ZNF469: variants seen among roughly 807,000 people sequenced by gnomAD.
The protein encoded by ZNF469 is zinc finger protein 469.
A neutral mutation model predicts 1.0 loss-of-function variants in ZNF469; 1 was observed. The observed-to-expected ratio is 1.00, with a 90% confidence interval of 0.35 to 4.73. The LOEUF is 4.73. Among genes scored for constraint, ZNF469 ranks in the 30% most tolerant of loss-of-function variants. The probability of loss-of-function intolerance (pLI) is 0.16; values close to 1 mark genes in which losing one functional copy is unlikely to be tolerated. For missense variants in ZNF469, 6,100 were observed against 5,356.3 expected, an observed-to-expected ratio of 1.14 and a Z score of -4.33; for synonymous variants, 2,703 against 2,363.4, an observed-to-expected ratio of 1.14 and a Z score of -4.17.
the ZNF469 span, among the ~76,000 whole-genome samples, chr16:88,267,860 G>A: frequency 1.3e-5 from 2 of 152,160 alleles, no homozygotes; most frequent in Non-Finnish European, 2.9e-5. Context: ...GATTCCTTGG[G>A]GTGGCACTGC....
chr16:88,106,173 C>T, the ZNF469 span, among the ~76,000 whole-genome samples: 4 of 152,176 alleles, frequency 2.6e-5, no homozygotes, highest in African/African-American at 4.8e-5. Flanking sequence ...GTGTGGCGGG[C>T]GCCAGCAGGC....
chr16:88,116,973 AC>A, the ZNF469 span, among the ~76,000 whole-genome samples: 7 of 151,740 alleles, frequency 4.6e-5, no homozygotes, highest in Non-Finnish European at 1.0e-4. Flanking sequence ...ACACACACAC[AC>A]ACACACACAC....
chr16:88,272,024 A>C, the ZNF469 span, among the ~76,000 whole-genome samples: 1 of 152,066 alleles, frequency 6.6e-6, no homozygotes. Flanking sequence ...GGATGGATTT[A>C]TGAGTGGGTG....
chr16:88,318,175 C>T, the ZNF469 span, among the ~76,000 whole-genome samples: 1 of 152,236 alleles, frequency 6.6e-6, no homozygotes, highest in Non-Finnish European at 1.5e-5. Context: ...CCCAGATCTT[C>T]GGGCCCAGCC....
the ZNF469 span, among the ~76,000 whole-genome samples, chr16:88,317,827 A>C: frequency 6.6e-6 from 1 of 152,196 alleles, no homozygotes; most frequent in Non-Finnish European, 1.5e-5. Context: ...GTTCTGTTTA[A>C]GGATTCACCA....
At chr16:88,182,891 T>C in the ZNF469 span, among the ~76,000 whole-genome samples, 1 of 152,134 alleles carries the variant, frequency 6.6e-6, no homozygotes, top group East Asian at 1.9e-4. Context: ...ACTGACAAAC[T>C]GAACTTTATC....
chr16:88,134,608 C>T, the ZNF469 span, among the ~76,000 whole-genome samples: 9 of 152,226 alleles, frequency 5.9e-5, no homozygotes, highest in Non-Finnish European at 1.0e-4. Context: ...AAAAGCCAGG[C>T]GGATGTCCAA....
chr16:88,180,125 TA>T, the ZNF469 span, among the ~76,000 whole-genome samples: 105,849 of 151,956 alleles, frequency 0.7, 37,910 homozygotes, highest in Non-Finnish European at 0.8. Context: ...GCTTTCACTT[TA>T]AAAAAAAGTA....
At chr16:88,198,525 G>A in the ZNF469 span, among the ~76,000 whole-genome samples, 12 of 152,354 alleles carry the variant, frequency 7.9e-5, no homozygotes, top group East Asian at 1.5e-3. Context: ...TGCAGCTAAG[G>A]AGCTGAATTT....
chr16:88,386,938 G>C (rs995612618), intron 1 of ZNF469, among the ~76,000 whole-genome samples: 2 of 152,210 alleles, frequency 1.3e-5, no homozygotes, highest in African/African-American at 4.8e-5. Flanking sequence ...GGTGGCAGAT[G>C]CTGTCCTCAG....
the ZNF469 span, among the ~76,000 whole-genome samples, chr16:88,342,974 T>C: frequency 6.6e-6 from 1 of 152,212 alleles, no homozygotes; most frequent in Non-Finnish European, 1.5e-5. Flanking sequence ...TCATGGCCAC[T>C]GGATGAGCTT....
intron 1 of ZNF469, among the ~76,000 whole-genome samples, chr16:88,396,955 C>CT (rs1360739606): frequency 5.5e-4 from 82 of 149,986 alleles, no homozygotes; most frequent in African/African-American, 7.9e-4. Context: ...AGGAGGAGAC[C>CT]CTCATGAAGG....
the ZNF469 span, chr16:88,235,039 C>G: frequency 1.8e-4 from 27 of 152,380 alleles, no homozygotes; most frequent in African/African-American, 6.3e-4. Flanking sequence ...GGGATGCCGC[C>G]AAGCTCGGGT....
At chr16:88,165,189 G>A in the ZNF469 span, among the ~76,000 whole-genome samples, 1 of 152,234 alleles carries the variant, frequency 6.6e-6, no homozygotes, top group African/African-American at 2.4e-5. Flanking sequence ...AGCAGGGTCT[G>A]TCTGGCATCA....
At chr16:88,142,730 C>T in the ZNF469 span, among the ~76,000 whole-genome samples, 2 of 152,260 alleles carry the variant, frequency 1.3e-5, no homozygotes, top group Admixed American at 6.5e-5. Context: ...CTCATCAGCT[C>T]ACCCTGCGGG....
the ZNF469 span, among the ~76,000 whole-genome samples, chr16:88,171,241 C>A: frequency 6.6e-6 from 1 of 152,212 alleles, no homozygotes; most frequent in Admixed American, 6.5e-5. Context: ...AGGGCCTTGG[C>A]CTGTTCTAGC....
Position 88,430,537 on chromosome 16 carries a change from C to T in ZNF469, c.3067C>T (p.Arg1023Cys), listed in dbSNP as rs761910925. The T allele has an allele frequency of 2.7e-6, 4 of 1,465,282 alleles. No individual in the cohort carries two copies. The highest frequency in any genetic ancestry group is 1.5e-5 in the African/African-American group (1 of 67,552). The allele number at this position is 1,465,282 out of a possible 1,614,324, so 90.8% of individuals were successfully genotyped here. The change falls in exon 3 of 3, where the codon CGC becomes TGC. Residue 1023 changes from arginine (R) to cysteine (C), a missense_variant. By Grantham distance (180) the Arg-to-Cys change is radical (BLOSUM62 -3). Coordinates refer to ENST00000565624, the MANE Select transcript of ZNF469 (RefSeq NM_001367624.2). ...AGCCGCCGCCCTCCCCGAGGAGACCCGCAGCTCCCGGCGCCGCCGGCTGCC... is the reference window on the plus strand; with the variant it reads ...AGCCGCCGCCCTCCCCGAGGAGACCTGCAGCTCCCGGCGCCGCCGGCTGCC... Reference protein sequence around the residue: ...PRAAALPEETRSSRRRRLPPR... With the variant: ...PRAAALPEETCSSRRRRLPPR...
intron 1 of ZNF469, among the ~76,000 whole-genome samples, chr16:88,394,867 C>T (rs9921613): frequency 0.3 from 45,339 of 152,038 alleles, 7,131 homozygotes; most frequent in Non-Finnish European, 0.35. Flanking sequence ...GATACCTGGG[C>T]CCACCACTGG....
the ZNF469 span, among the ~76,000 whole-genome samples, chr16:88,116,763 C>T: frequency 4.6e-5 from 7 of 152,060 alleles, no homozygotes; most frequent in East Asian, 1.9e-4. Context: ...ATGGAACTGG[C>T]GTCATCAAAC....
Sources: allele counts gnomAD v4.1 joint callset (sites outside exome capture counted in the v4.1 genomes callset), GRCh38; gene constraint gnomAD v4.1.1; transcripts MANE v1.5; gene names NCBI Gene and HGNC (gene_info 2026-07-23, HGNC 2026-07-21).